XKR6: variants seen among roughly 807,000 people sequenced by gnomAD.
XKR6 encodes XK related 6, also known as XK-related protein 6.
XKR6 carries 22 observed loss-of-function variants against 56.7 expected under a neutral mutation model. The observed-to-expected ratio is 0.39, with a 90% CI of 0.28 to 0.55. XKR6 has a LOEUF of 0.55. Ranked by LOEUF, XKR6 falls within the 20% of genes least tolerant of loss-of-function variation. The pLI, the probability that XKR6 is intolerant of heterozygous loss-of-function variation, is 0.66. For synonymous variants in XKR6, 524 were observed against 387.8 expected (o/e 1.35, Z -4.13); for missense variants, 852 against 889.0 (o/e 0.96, Z 0.53).
At chr8:11,174,477 T>A (rs1368537450) in intron 1 of XKR6, among the ~76,000 whole-genome samples, 2 of 152,246 alleles carry the variant, frequency 1.3e-5, no homozygotes, top group Non-Finnish European at 2.9e-5. Flanking sequence ...CACTGGGAGC[T>A]GCCAGCTGCT....
intron 1 of XKR6, among the ~76,000 whole-genome samples, chr8:11,022,343 A>G (rs6996735): frequency 0.062 from 9,449 of 151,868 alleles, 356 homozygotes; most frequent in South Asian, 0.11. Flanking sequence ...GCTAGGGGAG[A>G]GCAGATTTAC....
intron 1 of XKR6, among the ~76,000 whole-genome samples, chr8:11,075,614 G>A (rs893685883): frequency 1.3e-5 from 2 of 152,188 alleles, no homozygotes; most frequent in African/African-American, 4.8e-5. Context: ...GCCAGGCTCG[G>A]TAGCTCACAT....
intron 1 of XKR6, among the ~76,000 whole-genome samples, chr8:11,012,735 T>C (rs1017803099): frequency 2.0e-4 from 30 of 152,096 alleles, no homozygotes; most frequent in African/African-American, 7.0e-4. Context: ...GGATTCATCC[T>C]GGCCCCGATG....
chr8:11,140,640 G>A (rs1487022388), intron 1 of XKR6, among the ~76,000 whole-genome samples: 1 of 152,148 alleles, frequency 6.6e-6, no homozygotes, highest in Non-Finnish European at 1.5e-5. Flanking sequence ...GCTCACACCT[G>A]TAATCCCAGC....
intron 1 of XKR6, among the ~76,000 whole-genome samples, chr8:11,145,729 C>T (rs911683912): frequency 1.3e-5 from 2 of 152,080 alleles, no homozygotes; most frequent in Non-Finnish European, 2.9e-5. Flanking sequence ...AGAGATACGC[C>T]ATATTCATGG....
intron 1 of XKR6, among the ~76,000 whole-genome samples, chr8:10,935,315 G>A (rs1001519830): frequency 2.6e-4 from 36 of 138,436 alleles, no homozygotes; most frequent in African/African-American, 9.9e-4. Context: ...TCTTGCTAGC[G>A]GTCATTCAAT....
intron 2 of XKR6, among the ~76,000 whole-genome samples, chr8:10,902,541 A>T (rs1217392368): frequency 6.6e-6 from 1 of 152,160 alleles, no homozygotes; most frequent in East Asian, 1.9e-4. Context: ...CTTTCCAGAT[A>T]TCCAGCAGGC....
At chr8:11,108,070 G>A (rs1586554758) in intron 1 of XKR6, 2 of 330,138 alleles carry the variant, frequency 6.1e-6, no homozygotes, top group South Asian at 4.8e-5. Context: ...AGTGAACGAT[G>A]TAACAGGTGG....
intron 1 of XKR6, among the ~76,000 whole-genome samples, chr8:10,927,310 T>C (rs564444542): frequency 6.6e-6 from 1 of 152,202 alleles, no homozygotes; most frequent in African/African-American, 2.4e-5. Flanking sequence ...GTGTGCTGAG[T>C]GGAGCCTCAG....
intron 1 of XKR6, among the ~76,000 whole-genome samples, chr8:11,052,620 C>T (rs1049072616): frequency 5.3e-5 from 8 of 152,066 alleles, no homozygotes; most frequent in Non-Finnish European, 1.2e-4. Context: ...TGTGGGGGAG[C>T]CCAGAGCCCA....
chr8:10,956,456 C>G (rs1019991017), intron 1 of XKR6, among the ~76,000 whole-genome samples: 1 of 152,162 alleles, frequency 6.6e-6, no homozygotes, highest in Non-Finnish European at 1.5e-5. Context: ...AGAGGTTCCC[C>G]AAGAAGGCCA....
intron 1 of XKR6, among the ~76,000 whole-genome samples, chr8:10,986,115 C>T (rs978534917): frequency 6.6e-6 from 1 of 152,094 alleles, no homozygotes; most frequent in South Asian, 2.1e-4. Flanking sequence ...ATTACAAAGA[C>T]CAGAAACAGA....
At chr8:11,199,588 C>G (rs1176090038) in intron 1 of XKR6, among the ~76,000 whole-genome samples, 1 of 152,142 alleles carries the variant, frequency 6.6e-6, no homozygotes, top group Non-Finnish European at 1.5e-5. Flanking sequence ...CTCACTGTTT[C>G]CAGAATACAC....
intron 1 of XKR6, among the ~76,000 whole-genome samples, chr8:11,046,766 T>C (rs553361928): frequency 1.5e-3 from 222 of 152,274 alleles, no homozygotes; most frequent in Middle Eastern, 3.4e-3. Context: ...CTGAGACAGA[T>C]AAAGATATAG....
intron 1 of XKR6, among the ~76,000 whole-genome samples, chr8:11,058,929 G>T (rs1426215608): frequency 6.6e-6 from 1 of 152,246 alleles, no homozygotes; most frequent in Non-Finnish European, 1.5e-5. Flanking sequence ...AAACACAAAT[G>T]CACATTGTTC....
intron 1 of XKR6, among the ~76,000 whole-genome samples, chr8:11,153,316 G>A (rs17152930): frequency 0.047 from 7,206 of 152,190 alleles, 212 homozygotes; most frequent in African/African-American, 0.075. Flanking sequence ...GAGGAAATAT[G>A]GAATTACTCG....
intron 1 of XKR6, among the ~76,000 whole-genome samples, chr8:11,199,280 T>A (rs1804065709): frequency 6.6e-6 from 1 of 152,246 alleles, no homozygotes; most frequent in Admixed American, 6.5e-5. Context: ...ACAAAGTTAT[T>A]GCATCTACTC....
chr8:10,925,868 C>A (rs575907565), intron 1 of XKR6, among the ~76,000 whole-genome samples: 21 of 152,280 alleles, frequency 1.4e-4, no homozygotes. Flanking sequence ...ACTTAAGGCA[C>A]CATCCAAACT....
intron 1 of XKR6, among the ~76,000 whole-genome samples, chr8:11,014,552 C>T (rs543229991): frequency 3.2e-4 from 49 of 152,300 alleles, no homozygotes; most frequent in Admixed American, 8.5e-4. Flanking sequence ...GCAGGTTCCC[C>T]CAACAGCTTT....
Sources: gnomAD v4.1 joint callset for allele counts (sites outside exome capture counted in the v4.1 genomes callset) on GRCh38, gnomAD v4.1.1 for gene constraint, MANE v1.5 for transcripts, NCBI Gene and HGNC (gene_info 2026-07-23, HGNC 2026-07-21) for gene names.